Variants in NUP98 observed in about 807,000 individuals in gnomAD.
NUP98 encodes nucleoporin 98 and 96 precursor.
In NUP98, 26 loss-of-function variants were observed where a neutral mutation model predicts 191.9. The ratio of observed to expected loss-of-function variants is 0.14; its 90% CI spans 0.10 to 0.19. The LOEUF (loss-of-function observed/expected upper bound fraction) is 0.19, where lower values mean the gene tolerates loss of function less well. NUP98 is among the 10% of genes least tolerant of loss of function. The pLI is 1.00. For missense variants in NUP98, 1,941 were observed against 2,178.8 expected (o/e 0.89, Z 2.17); for synonymous variants, 808 against 778.4 (o/e 1.04, Z -0.63).
At chr11:3,701,582 C>A (rs1053494468) in intron 23 of NUP98, among the ~76,000 whole-genome samples, 1 of 151,764 alleles carries the variant, frequency 6.6e-6, no homozygotes, top group Non-Finnish European at 1.5e-5. Context: ...ATATTAATAA[C>A]CTTCAAAATT....
intron 11 of NUP98, among the ~76,000 whole-genome samples, chr11:3,752,673 G>A (rs1427840182): frequency 6.6e-6 from 1 of 151,666 alleles, no homozygotes; most frequent in Non-Finnish European, 1.5e-5. Context: ...GCAGTCAAAC[G>A]AATTGAAAAA....
rs2082706605 is a variant in NUP98, at chr11:3,797,317, T to C, written c.-29+83A>G. ...GCTAGACTTCGAAGCGGAGAGGCCCTGAGACGCCCCGCGCGTCCGCCCGCC... is the reference window on the plus strand; with the variant it reads ...GCTAGACTTCGAAGCGGAGAGGCCCCGAGACGCCCCGCGCGTCCGCCCGCC... On this transcript the variant is annotated intron_variant, in intron 1 of 32. Coordinates refer to ENST00000324932, the MANE Select transcript of NUP98 (RefSeq NM_016320.5). 5 of 400,710 alleles carry C rather than the reference T, an allele frequency of 1.2e-5. No homozygotes were observed. In the Admixed American group the frequency reaches 2.2e-4, roughly 18 times the overall value. The allele number at this position is 400,710 out of a possible 1,614,324, so 24.8% of individuals were successfully genotyped here.
chr11:3,731,445 A>G lies in NUP98; in HGVS notation c.1676T>C (p.Phe559Ser), dbSNP rs1357686885. ...TGGTTCATCGTCATCCAGCCCATCA[A>G]AGAGATGTGACTTGGCTGTGCCTGT... ...QTTGTAKSHL[F>S]DGLDDDEPSL... Residue 559 changes from phenylalanine to serine, a missense_variant, in exon 14 of 33, where the codon TTT becomes TCT. Physicochemically the swap from Phe to Ser is radical, Grantham distance 155. Transcript: ENST00000324932. 12 of 1,607,214 alleles carry G rather than the reference A, an allele frequency of 7.5e-6. No individual in the cohort carries two copies. The highest frequency in any genetic ancestry group is 1.0e-5 in the Non-Finnish European group (12 of 1,176,500).
In NUP98 at chr11:3,797,508, T is replaced by G. The variant is rs912148023; in HGVS notation, c.-137A>C. The G allele has an allele frequency of 1.6e-5, 7 of 444,332 alleles. No individual in the cohort carries two copies. Among genetic ancestry groups the G allele is most frequent in the African/African-American group, 4.1e-5 (2 of 48,734 alleles). 27.5% of individuals were successfully genotyped at this position (444,332 alleles called of 1,614,324 possible). On this transcript the variant is annotated 5_prime_UTR_variant, in exon 1 of 33. Coordinates refer to ENST00000324932, the MANE Select transcript of NUP98 (RefSeq NM_016320.5). ...CCGTCGCCGCCGCCGCTACCACCCC[T>G]GCCACCGACCGCCGCTTCGGGCGCA...
chr11:3,711,784 C>CGG, intron 20 of NUP98: 3 of 849,152 alleles, frequency 3.5e-6, no homozygotes, highest in Non-Finnish European at 4.3e-6. Context: ...TTTATCATAC[C>CGG]CTCCCCTCCC....
At chr11:3,754,961 A>C (rs2080907332) in intron 10 of NUP98, among the ~76,000 whole-genome samples, 1 of 150,702 alleles carries the variant, frequency 6.6e-6, no homozygotes, top group African/African-American at 2.4e-5. Context: ...AAAAAAAAAA[A>C]AAATCCATAG....
In NUP98 at chr11:3,731,524, A is replaced by G; in HGVS notation, c.1597T>C (p.Tyr533His). The G allele has an allele frequency of 1.2e-6, 2 of 1,607,344 alleles. No individual in the cohort carries two copies. The highest frequency in any genetic ancestry group is 1.7e-6 in the Non-Finnish European group (2 of 1,176,416). Residue 533 changes from tyrosine to histidine, a missense_variant, in exon 14 of 33, where the codon TAT becomes CAT. Transcript: ENST00000324932. ...AQKALTTPTH[Y>H]KLTPRPATRV... ...GTGGCAGGGCGGGGTGTCAGTTTAT[A>G]ATGAGTAGGTGTAGTAAGAGCCTTC...
At chr11:3,784,875 A>G (rs1013259773) in intron 1 of NUP98, among the ~76,000 whole-genome samples, 1 of 152,144 alleles carries the variant, frequency 6.6e-6, no homozygotes, top group Non-Finnish European at 1.5e-5. Context: ...GGTGGCTCAC[A>G]CCTGTAATTC....
rs768062533 is a variant in NUP98 at position 3,775,991 on chromosome 11, A to C, written c.386T>G (p.Leu129Arg). ...NFGTSTSSGG[L>R]FGTTNTTSNP... Reference sequence around the variant, plus strand: ...AGAGGTGGTATTTGTGGTTCCAAAGAGTCCTCCACTGCTAGTACTGGTTCC... The same window carrying C: ...AGAGGTGGTATTTGTGGTTCCAAAGCGTCCTCCACTGCTAGTACTGGTTCC... Residue 129 changes from leucine (L) to arginine (R), a missense_variant, in exon 5 of 33, where the codon CTC (leucine) becomes CGC (arginine). Physicochemically the swap from Leu to Arg is moderately radical, Grantham distance 102. Around this residue, in one of 6 missense-constraint regions of NUP98, gnomAD observed 154 missense variants for 182.9 expected, o/e 0.84. Coordinates refer to ENST00000324932, the MANE Select transcript of NUP98 (RefSeq NM_016320.5). 16 of 1,613,596 alleles carry C rather than the reference A, an allele frequency of 9.9e-6. No homozygotes were observed. The highest frequency in any genetic ancestry group is 1.3e-5 in the Non-Finnish European group (15 of 1,179,576).
rs1162446348 is a variant in NUP98 at position 3,685,887 on chromosome 11, C to T, written c.4676+86G>A. 3 of 1,052,668 alleles carry T rather than the reference C, an allele frequency of 2.8e-6. No homozygotes were observed. In the East Asian group the frequency reaches 7.2e-5, roughly 25 times the overall value. The allele number at this position is 1,052,668 out of a possible 1,614,324, so 65.2% of individuals were successfully genotyped here. On this transcript the variant is annotated intron_variant, in intron 29 of 32. Coordinates refer to ENST00000324932, the MANE Select transcript of NUP98 (RefSeq NM_016320.5). ...AACACACATTCTACACAATTACTTG[C>T]TAAACTGAACCCTGAAAGACTGATT... is the stretch of plus-strand genomic sequence containing the variant.
At chr11:3,779,482 A>C (rs1211080140) in intron 2 of NUP98, among the ~76,000 whole-genome samples, 1 of 151,926 alleles carries the variant, frequency 6.6e-6, no homozygotes, top group East Asian at 1.9e-4. Context: ...TTTCTACTAA[A>C]AATACAAAAT....
chr11:3,784,003 T>C (rs2082059571), intron 1 of NUP98, among the ~76,000 whole-genome samples: 1 of 152,188 alleles, frequency 6.6e-6, no homozygotes, highest in African/African-American at 2.4e-5. Flanking sequence ...TAGCAGACAA[T>C]AAATTAATAA....
At position 3,702,767 on chromosome 11, in the gene NUP98, C is replaced by A. The variant is rs751196931; in HGVS notation, c.3208G>T (p.Val1070Phe). ...AACACAGAAGTCAGGGGTGGAGGGA[C>A]AGACCAAGAGGATGTGGATGGGATA... ...MNIPSTSSWSVPPPLTSVFTM... is the reference protein window; with the variant it reads ...MNIPSTSSWSFPPPLTSVFTM... Residue 1070 changes from valine (V) to phenylalanine (F), a missense_variant, in exon 23 of 33, where the codon GTC becomes TTC. Val to Phe is a conservative substitution (Grantham distance 50). Coordinates refer to ENST00000324932, the MANE Select transcript of NUP98 (RefSeq NM_016320.5). 3 of 1,614,044 alleles carry A rather than the reference C, an allele frequency of 1.9e-6. No homozygotes were observed.
intron 1 of NUP98, among the ~76,000 whole-genome samples, chr11:3,789,741 G>T (rs888495090): frequency 6.6e-6 from 1 of 151,814 alleles, no homozygotes; most frequent in Non-Finnish European, 1.5e-5. Flanking sequence ...AAAGTGCAGG[G>T]ATTATAGGTG....
intron 18 of NUP98, among the ~76,000 whole-genome samples, chr11:3,714,431 G>A (rs2079112353): frequency 6.6e-6 from 1 of 152,148 alleles, no homozygotes; most frequent in African/African-American, 2.4e-5. Context: ...TCGGTATGAA[G>A]ATGACTACAA....
chr11:3,778,865 C>T lies in NUP98; in HGVS notation c.355+8G>A. 6.2e-7 allele frequency: 1 copy of T among 1,612,700 alleles called. No homozygotes were observed. The highest frequency in any genetic ancestry group is 1.1e-5 in the South Asian group (1 of 90,834). ...TTAGATGCAGAACTCCAGTGATGTC[C>T]CACTTACTGCCAAAGCCAGTTGGTT... On this transcript the variant is annotated splice_region_variant and intron_variant, in intron 4 of 32. Transcript: ENST00000324932.
intron 16 of NUP98, among the ~76,000 whole-genome samples, chr11:3,722,443 A>C (rs182379711): frequency 6.6e-5 from 10 of 151,174 alleles, no homozygotes; most frequent in Admixed American, 6.6e-4. Flanking sequence ...TTCTTTCCTT[A>C]TGATACTAAG....
Position 3,791,102 on chromosome 11 carries a change from A to T in NUP98, c.-29+6298T>A, listed in dbSNP as rs188417884. On this transcript the variant is annotated intron_variant, in intron 1 of 32. Coordinates refer to ENST00000324932, the MANE Select transcript of NUP98 (RefSeq NM_016320.5). ...AGTAGAGACGGGTTTTCACCGTGTT[A>T]GCCAGGATGGTCTCGATCTCCTGAC... 5.3e-4 allele frequency among the ~76,000 whole-genome samples: 80 copies of T among 151,886 alleles called. No individual in the cohort carries two copies. The East Asian group carries it at 0.013, about 24-fold the overall frequency.
chr11:3,797,349 G>A (rs944393489), intron 1 of NUP98, 51 bp downstream of exon 1: 1 of 400,286 alleles, frequency 2.5e-6, no homozygotes, highest in Non-Finnish European at 4.4e-6. Context: ...CGCCCGGAAG[G>A]GGGGAGAAAC....
Sources: allele counts gnomAD v4.1 joint callset (sites outside exome capture counted in the v4.1 genomes callset), GRCh38; gene constraint gnomAD v4.1.1; regional missense constraint gnomAD v4.1.1; transcripts MANE v1.5; gene names NCBI Gene and HGNC (gene_info 2026-07-23, HGNC 2026-07-21).